The following TRPC5 variants were observed in gnomAD, a reference collection of about 807,000 sequenced individuals.
TRPC5 encodes the protein transient receptor potential cation channel subfamily C member 5.
In TRPC5, 9 loss-of-function variants were observed where a neutral mutation model predicts 56.5. The observed-to-expected ratio is 0.16, with a 90% CI of 0.10 to 0.28. TRPC5 has a LOEUF of 0.28. Ranked by LOEUF, TRPC5 falls within the 10% of genes least tolerant of loss-of-function variation. TRPC5 has a pLI of 1.00. For missense variants in TRPC5, 469 were observed against 748.9 expected, an observed-to-expected ratio of 0.63 and a Z score of 4.36; for synonymous variants, 282 against 278.5, an observed-to-expected ratio of 1.01 and a Z score of -0.13.
At position 112,023,234 on chromosome X, in the gene TRPC5, G is replaced by GTTTT. The variant is rs749260030; in HGVS notation, c.-22+58641_-22+58644dup. 6.3e-4 allele frequency among the ~76,000 whole-genome samples: 29 copies of GTTTT among 45,959 alleles called. 1 individual carries two copies. Among genetic ancestry groups the GTTTT allele is most frequent in the African/African-American group, 1.6e-3 (20 of 12,460 alleles). The allele number at this position is 45,959 out of a possible 115,157, so 39.9% of individuals were successfully genotyped here. On this transcript the variant is annotated intron_variant, in intron 1 of 10. Coordinates refer to ENST00000262839, the MANE Select transcript of TRPC5 (RefSeq NM_012471.3). ...CAGGCGTGAGCCACTGCGCCCAGCA[G>GTTTT]TTTTTTTTTTTGTTTTTTTTTTTTT...
At position 111,988,033 on chromosome X, in the gene TRPC5, T is replaced by A. The variant is rs987244772; in HGVS notation, c.-21-35592A>T. ...TGACACATAAAATTAACCACCACGA[T>A]TTATGTATAGCAATATAAAGCAGCA... On this transcript the variant is annotated intron_variant, in intron 1 of 10. Transcript: ENST00000262839. Among the ~76,000 whole-genome samples, 35 of 112,709 alleles carry A rather than the reference T, an allele frequency of 3.1e-4. 1 individual carries two copies. In the Middle Eastern group the frequency reaches 0.018, roughly 59 times the overall value.
intron 1 of TRPC5, among the ~76,000 whole-genome samples, chrX:112,061,924 T>A (rs1256017801): frequency 8.9e-6 from 1 of 112,277 alleles, no homozygotes; most frequent in Non-Finnish European, 1.9e-5. Flanking sequence ...TTCTCCTGTC[T>A]AAAACCAGGA....
At chrX:112,051,323 C>T (rs761597107) in intron 1 of TRPC5, among the ~76,000 whole-genome samples, 1 of 112,088 alleles carries the variant, frequency 8.9e-6, no homozygotes, top group Non-Finnish European at 1.9e-5. Flanking sequence ...GAGGCATTAC[C>T]ACAGCCCTTG....
chrX:111,782,018 G>T lies in TRPC5; in HGVS notation c.2017C>A (p.Leu673Ile). 1 of 1,211,236 alleles carries T rather than the reference G, an allele frequency of 8.3e-7. No individual in the cohort carries two copies. Among genetic ancestry groups the T allele is most frequent in the East Asian group, 3.0e-5 (1 of 33,796 alleles). The change falls in exon 8 of 11, where the codon CTT becomes ATT. Residue 673 changes from leucine to isoleucine, a missense_variant. Around this residue, in one of 3 missense-constraint regions of TRPC5, gnomAD observed 157 missense variants for 360.0 expected, o/e 0.44. Transcript: ENST00000262839. ...AAGGTGTTGTTGAACCAGTTACCAAGGTATAGAAATGACTTGGGGCTGGGG... is the reference window on the plus strand; with the variant it reads ...AAGGTGTTGTTGAACCAGTTACCAATGTATAGAAATGACTTGGGGCTGGGG... ...IIPSPKSFLY[L>I]GNWFNNTFCP...
intron 1 of TRPC5, among the ~76,000 whole-genome samples, chrX:112,023,823 T>C (rs981675004): frequency 9.0e-6 from 1 of 111,519 alleles, no homozygotes; most frequent in African/African-American, 3.3e-5. Flanking sequence ...AATATCCTCA[T>C]ATATTTGCTA....
chrX:111,861,664 A>G (rs1395796046), intron 3 of TRPC5, among the ~76,000 whole-genome samples: 1 of 111,624 alleles, frequency 9.0e-6, no homozygotes, highest in East Asian at 2.8e-4. Context: ...TGGGCAAAGT[A>G]GCGCTGAAAT....
chrX:111,997,460 A>G (rs1374536187), intron 1 of TRPC5, among the ~76,000 whole-genome samples: 1 of 110,624 alleles, frequency 9.0e-6, no homozygotes, highest in Non-Finnish European at 1.9e-5. Flanking sequence ...TCTGACAATT[A>G]TATGTCTTGG....
At chrX:111,823,641 A>G (rs1922097512) in intron 7 of TRPC5, among the ~76,000 whole-genome samples, 2 of 110,968 alleles carry the variant, frequency 1.8e-5, no homozygotes, top group South Asian at 3.8e-4. Context: ...CACACTAAAG[A>G]AGAAAAAGAG....
chrX:111,809,833 A>T (rs1428165835), intron 7 of TRPC5, among the ~76,000 whole-genome samples: 1 of 110,306 alleles, frequency 9.1e-6, no homozygotes, highest in Admixed American at 9.6e-5. Context: ...TCAAGTATAC[A>T]ATACATTATT....
intron 1 of TRPC5, among the ~76,000 whole-genome samples, chrX:111,962,865 G>A (rs1026941068): frequency 1.8e-5 from 2 of 111,989 alleles, no homozygotes; most frequent in Non-Finnish European, 3.8e-5. Flanking sequence ...TGGCCGAATA[G>A]GAACAGCTCC....
In TRPC5 at chrX:111,775,852, T is replaced by C; in HGVS notation, c.*461A>G. 8.5e-6 allele frequency: 1 copy of C among 117,254 alleles called. No homozygotes were observed. The highest frequency in any genetic ancestry group is 8.9e-5 in the Admixed American group (1 of 11,204). 9.7% of individuals were successfully genotyped at this position (117,254 alleles called of 1,213,427 possible). On this transcript the variant is annotated 3_prime_UTR_variant, in exon 11 of 11. Transcript: ENST00000262839. ...GCGTAGCACTGAATGGCAACAAAGATGGGCAGGGTAGTTTGCCTTATCTGA... is the reference window on the plus strand; with the variant it reads ...GCGTAGCACTGAATGGCAACAAAGACGGGCAGGGTAGTTTGCCTTATCTGA...
intron 1 of TRPC5, among the ~76,000 whole-genome samples, chrX:111,998,323 A>G (rs776408900): frequency 9.8e-5 from 11 of 112,206 alleles, no homozygotes; most frequent in Non-Finnish European, 1.3e-4. Context: ...GGTACATGTG[A>G]TATTTTGATA....
At chrX:111,863,874 A>C (rs6567984) in intron 3 of TRPC5, among the ~76,000 whole-genome samples, 1 of 111,599 alleles carries the variant, frequency 9.0e-6, no homozygotes, top group Non-Finnish European at 1.9e-5. Flanking sequence ...ATGATCATGC[A>C]TGGTTTTGTC....
intron 1 of TRPC5, among the ~76,000 whole-genome samples, chrX:112,004,566 T>C (rs1458939298): frequency 8.9e-6 from 1 of 111,754 alleles, no homozygotes; most frequent in Non-Finnish European, 1.9e-5. Flanking sequence ...ACTTGGGAAT[T>C]TGTTAGCAGG....
intron 2 of TRPC5, among the ~76,000 whole-genome samples, chrX:111,940,860 C>A (rs1370091065): frequency 1.8e-5 from 2 of 111,597 alleles, no homozygotes; most frequent in East Asian, 5.6e-4. Flanking sequence ...GGACAAAAGA[C>A]TGATTTCAGT....
intron 1 of TRPC5, among the ~76,000 whole-genome samples, chrX:112,013,626 C>T (rs1219307416): frequency 8.9e-6 from 1 of 111,763 alleles, no homozygotes; most frequent in Non-Finnish European, 1.9e-5. Context: ...ATATGTCTGA[C>T]TCCTGCTTCC....
Position 111,978,867 on chromosome X carries a change from A to G in TRPC5, c.-21-26426T>C, listed in dbSNP as rs1928001800. ...CAAGTCATACGTTTTAAGTATATAT[A>G]ATTTTTATATGTCAATTATATCTTA... is the stretch of plus-strand genomic sequence containing the variant. On this transcript the variant is annotated intron_variant, in intron 1 of 10. Transcript: ENST00000262839. Among the ~76,000 whole-genome samples the G allele has an allele frequency of 3.6e-5, 4 of 111,399 alleles. No individual in the cohort carries two copies. The Admixed American group carries it at 3.8e-4, about 11-fold the overall frequency.
intron 1 of TRPC5, among the ~76,000 whole-genome samples, chrX:112,070,587 G>A (rs922913283): frequency 1.8e-5 from 2 of 110,891 alleles, no homozygotes; most frequent in Non-Finnish European, 3.8e-5. Flanking sequence ...ATTTCTTGAG[G>A]AAGAATTATT....
chrX:111,829,301 C>CAA (rs34464345), intron 7 of TRPC5, among the ~76,000 whole-genome samples: 157 of 21,579 alleles, frequency 7.3e-3, no homozygotes, highest in Non-Finnish European at 0.012. Context: ...GACTCTGTCT[C>CAA]AAAAAAAAAA....
Sources: gnomAD v4.1 joint callset for allele counts (sites outside exome capture counted in the v4.1 genomes callset) on GRCh38, gnomAD v4.1.1 for gene constraint, gnomAD v4.1.1 regional missense constraint, MANE v1.5 for transcripts, NCBI Gene and HGNC (gene_info 2026-07-23, HGNC 2026-07-21) for gene names.